Variants in CST8 observed in about 807,000 individuals in gnomAD.
CST8 encodes cystatin 8, also known as cystatin-8.
Under a neutral mutation model 11.8 loss-of-function variants are expected in CST8, and 20 were observed. The ratio of observed to expected loss-of-function variants is 1.70; its 90% CI spans 1.20 to 2.47. The LOEUF (loss-of-function observed/expected upper bound fraction) is 2.47, where lower values mean the gene tolerates loss of function less well. Ranked by LOEUF, CST8 falls within the 30% of genes most tolerant of loss-of-function variation. The probability of loss-of-function intolerance (pLI) is 0.00; values close to 1 mark genes in which losing one functional copy is unlikely to be tolerated. For synonymous variants in CST8, 77 were observed against 63.1 expected (o/e 1.22, Z -1.05); for missense variants, 196 against 167.2 (o/e 1.17, Z -0.95).
downstream of CST8, among the ~76,000 whole-genome samples, chr20:23,500,151 C>G (rs1054217735): frequency 6.6e-6 from 1 of 152,050 alleles, no homozygotes; most frequent in African/African-American, 2.4e-5. Flanking sequence ...AGGAAGACAC[C>G]AAGCCATTCA....
the CST8 span, among the ~76,000 whole-genome samples, chr20:23,505,908 T>C: frequency 6.6e-5 from 10 of 152,266 alleles, no homozygotes; most frequent in African/African-American, 2.4e-4. Flanking sequence ...TGAATGTCAA[T>C]GGTAAACCAC....
chr20:23,500,225 C>A (rs1189576997), downstream of CST8, among the ~76,000 whole-genome samples: 1 of 152,176 alleles, frequency 6.6e-6, no homozygotes. Context: ...TAAATTTCAA[C>A]ATGAGACTTG....
the CST8 span, among the ~76,000 whole-genome samples, chr20:23,502,398 C>A: frequency 6.6e-6 from 1 of 152,192 alleles, no homozygotes; most frequent in South Asian, 2.1e-4. Context: ...CTGCTTGCAG[C>A]GGAATCTCAC....
At position 23,491,506 on chromosome 20, in the gene CST8, T is replaced by C; in HGVS notation, c.-143-19T>C. 9.5e-6 allele frequency: 6 copies of C among 631,988 alleles called. No homozygotes were observed. The highest frequency in any genetic ancestry group is 7.6e-5 in the South Asian group (4 of 52,974). 39.1% of individuals were successfully genotyped at this position (631,988 alleles called of 1,614,324 possible). ...GACAAACCCCAAAGAGTGACCCTAA[T>C]GGCCTGTCTTGAATCCAGCTGGGCT... On this transcript the variant is annotated intron_variant, in intron 1 of 3. Coordinates refer to ENST00000246012, the MANE Select transcript of CST8 (RefSeq NM_005492.4).
chr20:23,505,445 C>T, the CST8 span, among the ~76,000 whole-genome samples: 1 of 151,884 alleles, frequency 6.6e-6, no homozygotes, highest in African/African-American at 2.4e-5. Context: ...CGCCCAGCCA[C>T]AAGAAGCATT....
At chr20:23,503,816 C>T in the CST8 span, among the ~76,000 whole-genome samples, 1 of 152,218 alleles carries the variant, frequency 6.6e-6, no homozygotes, top group Non-Finnish European at 1.5e-5. Flanking sequence ...AGGCAAGAGC[C>T]CTGAGGCCAC....
chr20:23,504,365 C>G, the CST8 span, among the ~76,000 whole-genome samples: 1 of 152,178 alleles, frequency 6.6e-6, no homozygotes, highest in Admixed American at 6.5e-5. Context: ...TCCGCCCACT[C>G]CTTGTCCCCT....
intron 2 of CST8, 78 bp from the exon 3 acceptor site, chr20:23,492,880 G>C: frequency 1.2e-6 from 1 of 843,978 alleles, no homozygotes; most frequent in Non-Finnish European, 2.0e-6. Context: ...ACGAGAGTAA[G>C]AGTAATTTTT....
the CST8 span, among the ~76,000 whole-genome samples, chr20:23,501,727 G>A: frequency 6.6e-6 from 1 of 152,194 alleles, no homozygotes. Flanking sequence ...GCTGATGATG[G>A]CCACCCATTA....
At chr20:23,505,085 C>T in the CST8 span, among the ~76,000 whole-genome samples, 12 of 151,630 alleles carry the variant, frequency 7.9e-5, no homozygotes, top group South Asian at 2.5e-3. Context: ...CTAAGATGAC[C>T]GTAACGCACC....
chr20:23,500,813 T>C (rs536489340), downstream of CST8, among the ~76,000 whole-genome samples: 193 of 151,990 alleles, frequency 1.3e-3, 3 homozygotes, highest in Middle Eastern at 6.8e-3. Flanking sequence ...GGGGACTCAC[T>C]TGTGCCTCAG....
chr20:23,497,886 G>A (rs958597653), downstream of CST8, among the ~76,000 whole-genome samples: 43 of 152,292 alleles, frequency 2.8e-4, no homozygotes, highest in African/African-American at 9.9e-4. Context: ...CACTGTGTAT[G>A]TAAACAATGG....
the CST8 span, among the ~76,000 whole-genome samples, chr20:23,505,868 G>C: frequency 3.9e-5 from 6 of 152,138 alleles, no homozygotes; most frequent in Non-Finnish European, 8.8e-5. Flanking sequence ...AGCTTGAGAA[G>C]AACTGCCCTC....
intron 3 of CST8, among the ~76,000 whole-genome samples, chr20:23,495,518 T>C (rs3004104): frequency 0.41 from 62,727 of 152,096 alleles, 13,764 homozygotes; most frequent in Non-Finnish European, 0.49. Context: ...AGAATCATTT[T>C]ATTTACATTG....
At position 23,495,858 on chromosome 20, in the gene CST8, G is replaced by C. The variant is rs1409605526; in HGVS notation, c.373G>C (p.Ala125Pro). 1 of 1,610,444 alleles carries C rather than the reference G, an allele frequency of 6.2e-7. No homozygotes were observed. The highest frequency in any genetic ancestry group is 2.2e-5 in the East Asian group (1 of 44,756). Reference protein sequence around the residue: ...RKLSCSFLVGALPWNGEFTVM... With the variant: ...RKLSCSFLVGPLPWNGEFTVM... ...ATTAAGCTGCAGCTTTTTGGTAGGA[G>C]CACTTCCCTGGAATGGTGAATTCAC... The change falls in exon 4 of 4, where the codon GCA becomes CCA. Residue 125 changes from alanine to proline, a missense_variant. Ala to Pro is a conservative substitution (Grantham distance 27). Transcript: ENST00000246012.
chr20:23,491,495 AG>A, intron 1 of CST8, 29 bp from the exon 2 acceptor site: 1 of 615,260 alleles, frequency 1.6e-6, no homozygotes, highest in Non-Finnish European at 2.9e-6. Flanking sequence ...AACCCCAAAG[AG>A]TGACCCTAAT....
chr20:23,505,838 G>A, the CST8 span, among the ~76,000 whole-genome samples: 2 of 152,298 alleles, frequency 1.3e-5, no homozygotes, highest in Admixed American at 1.3e-4. Flanking sequence ...GAGATCCCAG[G>A]TGGTTTGTGT....
Position 23,491,866 on chromosome 20 carries a change from C to A in CST8, c.199C>A (p.Leu67Met). 5 of 1,614,134 alleles carry A rather than the reference C, an allele frequency of 3.1e-6. No individual in the cohort carries two copies. Among genetic ancestry groups the A allele is most frequent in the Non-Finnish European group, 4.2e-6 (5 of 1,179,964 alleles). Residue 67 changes from leucine to methionine, a missense_variant, in exon 2 of 4, where the codon CTG becomes ATG. Leu to Met is a conservative substitution (Grantham distance 15). Transcript: ENST00000246012. ...NKESEDKYVF[L>M]VVKTLQAQLQ... ...AGAGAGCGAGGACAAGTATGTCTTC[C>A]TGGTGGTCAAGACACTGCAAGCCCA...
chr20:23,495,984 G>C lies in CST8; in HGVS notation c.*70G>C. ...ATGAAAATGAAGCAATGGCAGGTGGGAGGCTCTTCCCAATGTGCTTTCTTC... is the reference window on the plus strand; with the variant it reads ...ATGAAAATGAAGCAATGGCAGGTGGCAGGCTCTTCCCAATGTGCTTTCTTC... On this transcript the variant is annotated 3_prime_UTR_variant, in exon 4 of 4. Coordinates refer to ENST00000246012, the MANE Select transcript of CST8 (RefSeq NM_005492.4). 8.1e-7 allele frequency: 1 copy of C among 1,238,644 alleles called. No homozygotes were observed. The highest frequency in any genetic ancestry group is 2.4e-5 in the East Asian group (1 of 42,500). 76.7% of individuals were successfully genotyped at this position (1,238,644 alleles called of 1,614,324 possible). A position where few individuals can be genotyped will look rare whatever the true frequency, so the allele number is the denominator to read the frequency against.
Sources: gnomAD v4.1 joint callset for allele counts (sites outside exome capture counted in the v4.1 genomes callset) on GRCh38, gnomAD v4.1.1 for gene constraint, MANE v1.5 for transcripts, NCBI Gene and HGNC (gene_info 2026-07-23, HGNC 2026-07-21) for gene names.